Variants in RBMX observed in about 807,000 individuals in gnomAD.
RBMX encodes RNA binding motif protein X-linked, also known as RNA-binding motif protein, X chromosome.
A neutral mutation model predicts 29.3 loss-of-function variants in RBMX; 1 was observed. That is an observed-to-expected ratio of 0.03 (90% confidence interval 0.01 to 0.16). The LOEUF (loss-of-function observed/expected upper bound fraction) is 0.16, where lower values mean the gene tolerates loss of function less well. Among genes scored for constraint, RBMX ranks in the 10% least tolerant of loss-of-function variants. The pLI, the probability that RBMX is intolerant of heterozygous loss-of-function variation, is 1.00. For synonymous variants in RBMX, 102 were observed against 102.3 expected, an observed-to-expected ratio of 1.00 and a Z score of 0.02; for missense variants, 121 against 333.2, an observed-to-expected ratio of 0.36 and a Z score of 4.96.
chrX:136,878,199 T>C (rs2077755072), intron 3 of RBMX, 113 bp from the exon 4 acceptor site: 5 of 664,263 alleles, frequency 7.5e-6, no homozygotes, highest in Non-Finnish European at 1.1e-5. Flanking sequence ...TAAGTGTTGC[T>C]CATTAGTCTA....
chrX:136,870,552 A>G (rs1207995233), downstream of RBMX: 3 of 111,628 alleles, frequency 2.7e-5, no homozygotes, highest in Non-Finnish European at 5.6e-5. Context: ...TTAAAAAGCA[A>G]GCAGGCGCAG....
At chrX:136,875,433 CTTAATTA>C (rs2077716977) in intron 6 of RBMX, 31 bp downstream of exon 6, 9 of 1,206,889 alleles carry the variant, frequency 7.5e-6, no homozygotes, top group Non-Finnish European at 9.0e-6. Context: ...TTCCTTCAAC[CTTAATTA>C]TTAATTTAAA....
At chrX:136,877,339 C>CA (rs375756185) in intron 4 of RBMX, among the ~76,000 whole-genome samples, 15 of 86,061 alleles carry the variant, frequency 1.7e-4, no homozygotes, top group African/African-American at 5.5e-4. Flanking sequence ...CCCCCCCCCC[C>CA]CCAAAAAAAA....
At chrX:136,877,332 C>G (rs1289435381) in intron 4 of RBMX, among the ~76,000 whole-genome samples, 1 of 78,662 alleles carries the variant, frequency 1.3e-5, no homozygotes, top group African/African-American at 4.5e-5. Flanking sequence ...AACTCTACCC[C>G]CCCCCCCCCA....
chrX:136,879,519 T>G (rs1004689554), intron 1 of RBMX, 66 bp from the exon 2 acceptor site: 3 of 875,385 alleles, frequency 3.4e-6, no homozygotes, highest in Admixed American at 3.0e-5. Context: ...CACTTTTACT[T>G]TCGCACATTT....
At chrX:136,873,296 C>A, downstream of RBMX, 1 of 216,403 alleles carries the variant, frequency 4.6e-6, no homozygotes, top group Non-Finnish European at 6.8e-6. Flanking sequence ...ATGTGGAATG[C>A]TGATAGATTC....
rs187194543 is a variant in RBMX, at chrX:136,876,726, T to C, written c.389-71A>G. On this transcript the variant is annotated intron_variant, in intron 4 of 8. Coordinates refer to ENST00000320676, the MANE Select transcript of RBMX (RefSeq NM_002139.4). The stretch of plus-strand genomic sequence containing the variant: ...AAGAAAGATATAAAAGTTTTTTTTT[T>C]TTTTTGAGAGTCTCACTGTCGCCCA... 37 of 977,563 alleles carry C rather than the reference T, an allele frequency of 3.8e-5. No individual in the cohort carries two copies. In the Admixed American group the frequency reaches 1.2e-3, roughly 33 times the overall value. 80.6% of individuals were successfully genotyped at this position (977,563 alleles called of 1,213,427 possible). A position where few individuals can be genotyped will look rare whatever the true frequency, so the allele number is the denominator to read the frequency against.
downstream of RBMX, chrX:136,869,736 CAT>C (rs1470514780): frequency 6.3e-5 from 7 of 110,340 alleles, no homozygotes; most frequent in Non-Finnish European, 9.4e-5. Flanking sequence ...AAAAAAAAAT[CAT>C]ATAAGTTGGG....
At chrX:136,872,648 G>A (rs191261519), downstream of RBMX, 3 of 243,401 alleles carry the variant, frequency 1.2e-5, no homozygotes, top group Non-Finnish European at 2.2e-5. Context: ...GCAGTATAAG[G>A]ATTTTTAGTT....
chrX:136,871,122 GAA>G (rs906057834), downstream of RBMX, among the ~76,000 whole-genome samples: 5 of 89,019 alleles, frequency 5.6e-5, no homozygotes, highest in African/African-American at 2.1e-4. Context: ...CAGAAGAGAA[GAA>G]AAAAAAAAAA....
At chrX:136,878,620 CT>C (rs2077760909) in intron 3 of RBMX, among the ~76,000 whole-genome samples, 1 of 59,902 alleles carries the variant, frequency 1.7e-5, no homozygotes, top group Non-Finnish European at 2.9e-5. Flanking sequence ...TCGCGCATGC[CT>C]GTAATCCCAG....
intron 1 of RBMX, among the ~76,000 whole-genome samples, chrX:136,879,779 C>G (rs981122229): frequency 9.0e-6 from 1 of 111,485 alleles, no homozygotes; most frequent in Non-Finnish European, 1.9e-5. Context: ...TTGAAAGATT[C>G]AATTACTCAT....
chrX:136,875,213 T>C (rs773501418), intron 7 of RBMX, 45 bp from the exon 8 acceptor site: 6 of 1,210,969 alleles, frequency 5.0e-6, no homozygotes, highest in South Asian at 1.8e-5. Context: ...TCAACTTTCA[T>C]TGCAACTTTT....
Position 136,873,940 on chromosome X carries a change from A to G in RBMX, c.*202T>C, listed in dbSNP as rs983352071. The G allele has an allele frequency of 3.3e-5, 35 of 1,071,647 alleles. No homozygotes were observed. Among genetic ancestry groups the G allele is most frequent in the Non-Finnish European group, 3.9e-5 (32 of 830,843 alleles). The allele number at this position is 1,071,647 out of a possible 1,213,427, so 88.3% of individuals were successfully genotyped here. A position where few individuals can be genotyped will look rare whatever the true frequency, so the allele number is the denominator to read the frequency against. On this transcript the variant is annotated 3_prime_UTR_variant, in exon 9 of 9. Transcript: ENST00000320676. ...CACATTTAACATTTGCTTGTTGAAAAGCAATGCGAAAGTCAAATAAAATTA... is the reference window on the plus strand; with the variant it reads ...CACATTTAACATTTGCTTGTTGAAAGGCAATGCGAAAGTCAAATAAAATTA...
intron 1 of RBMX, among the ~76,000 whole-genome samples, chrX:136,880,280 T>A (rs907204634): frequency 8.9e-5 from 10 of 112,119 alleles, no homozygotes; most frequent in East Asian, 2.8e-4. Context: ...GAAGTCCACA[T>A]GCCCATCATT....
At position 136,875,974 on chromosome X, in the gene RBMX, G is replaced by C. The variant is rs1019138776; in HGVS notation, c.542-389C>G. Among the ~76,000 whole-genome samples the C allele has an allele frequency of 5.5e-5, 6 of 109,051 alleles. No individual in the cohort carries two copies. In the Admixed American group the frequency reaches 5.9e-4, roughly 11 times the overall value. The allele number at this position is 109,051 out of a possible 115,157, so 94.7% of individuals were successfully genotyped here. A position where few individuals can be genotyped will look rare whatever the true frequency, so the allele number is the denominator to read the frequency against. Reference sequence around the variant, plus strand: ...CCACCACCACGCCCAGCTAACTTTTGTATCTTTAGTAGAGACAGGGTTTCA... The same window carrying C: ...CCACCACCACGCCCAGCTAACTTTTCTATCTTTAGTAGAGACAGGGTTTCA... On this transcript the variant is annotated intron_variant, in intron 5 of 8. Coordinates refer to ENST00000320676, the MANE Select transcript of RBMX (RefSeq NM_002139.4).
chrX:136,875,828 G>A (rs2077722338), intron 5 of RBMX, among the ~76,000 whole-genome samples: 1 of 108,106 alleles, frequency 9.3e-6, no homozygotes, highest in Admixed American at 9.9e-5. Flanking sequence ...TGAGATGGGA[G>A]TCTCGCTCTG....
rs750497890 is a variant in RBMX, at chrX:136,876,662, CA to C, written c.389-8del. 1.6e-5 allele frequency: 18 copies of C among 1,117,906 alleles called. No individual in the cohort carries two copies. Among genetic ancestry groups the C allele is most frequent in the Non-Finnish European group, 1.8e-5 (15 of 844,242 alleles). 92.1% of individuals were successfully genotyped at this position (1,117,906 alleles called of 1,213,427 possible). On this transcript the variant is annotated splice_region_variant and splice_polypyrimidine_tract_variant and intron_variant, in intron 4 of 8. Transcript: ENST00000320676. ...ATGGAATATCCACCGTCATCTGCAT[CA>C]AAAATAGAAAAGAAAAATATTACTA...
At chrX:136,876,112 GTTTTTTTTTTTTGTTTTT>G (rs1302478421) in intron 5 of RBMX, among the ~76,000 whole-genome samples, 3 of 87,873 alleles carry the variant, frequency 3.4e-5, no homozygotes, top group Non-Finnish European at 6.7e-5. Flanking sequence ...CATGAATAAA[GTTTTTTTTTTTTGTTTTT>G]TTTTTTTTTT....
Sources: gnomAD v4.1 joint callset for allele counts (sites outside exome capture counted in the v4.1 genomes callset) on GRCh38, gnomAD v4.1.1 for gene constraint, MANE v1.5 for transcripts, NCBI Gene and HGNC (gene_info 2026-07-23, HGNC 2026-07-21) for gene names.